The following SLC2A13 variants were observed in gnomAD, a reference collection of about 807,000 sequenced individuals.
SLC2A13 encodes solute carrier family 2 member 13.
SLC2A13 carries 32 observed loss-of-function variants against 64.4 expected under a neutral mutation model. The ratio of observed to expected loss-of-function variants is 0.50; its 90% CI spans 0.37 to 0.67. SLC2A13 has a LOEUF of 0.67. Ranked by LOEUF, SLC2A13 falls within the 30% of genes least tolerant of loss-of-function variation. The pLI is 0.00. For synonymous variants in SLC2A13, 338 were observed against 327.1 expected (o/e 1.03, Z -0.36); for missense variants, 743 against 829.2 (o/e 0.90, Z 1.28).
chr12:40,028,622 G>A (rs1947860820), intron 2 of SLC2A13, 113 bp from the exon 3 acceptor site: 2 of 975,870 alleles, frequency 2.0e-6, no homozygotes. Flanking sequence ...AAGTTAGCCA[G>A]AATTATTTGT....
Position 39,896,420 on chromosome 12 carries a change from A to ATATGTATACATATATGTATATG in SLC2A13, c.1035-24460_1035-24459insCATATACATATATGTATACATA, listed in dbSNP as rs1944890874. On this transcript the variant is annotated intron_variant, in intron 4 of 9. Coordinates refer to ENST00000280871, the MANE Select transcript of SLC2A13 (RefSeq NM_052885.4). ...TATATGTATACATATATGTATGTAT[A>ATATGTATACATATATGTATATG]TGTGTATATATGTATACATATATGT... Among the ~76,000 whole-genome samples, 16 of 120,348 alleles carry ATATGTATACATATATGTATATG rather than the reference A, an allele frequency of 1.3e-4. 1 individual carries two copies. The highest frequency in any genetic ancestry group is 6.0e-4 in the African/African-American group (16 of 26,674). 79.0% of individuals were successfully genotyped at this position (120,348 alleles called of 152,430 possible).
chr12:39,828,299 G>T (rs756032120), intron 7 of SLC2A13, among the ~76,000 whole-genome samples: 4 of 151,880 alleles, frequency 2.6e-5, no homozygotes, highest in Non-Finnish European at 5.9e-5. Flanking sequence ...CTATTGTAAG[G>T]ATATGCTGTG....
intron 3 of SLC2A13, among the ~76,000 whole-genome samples, chr12:39,994,767 C>T (rs965191785): frequency 6.6e-6 from 1 of 152,204 alleles, no homozygotes; most frequent in Admixed American, 6.5e-5. Context: ...CTGGAAATCG[C>T]TTCCTCATCT....
chr12:40,040,655 G>T (rs1948072189), intron 2 of SLC2A13, among the ~76,000 whole-genome samples: 1 of 152,220 alleles, frequency 6.6e-6, no homozygotes, highest in Admixed American at 6.5e-5. Context: ...GCCTCCCAAA[G>T]TGCTGGGATT....
chr12:40,049,145 T>TATA, intron 1 of SLC2A13, among the ~76,000 whole-genome samples: 1 of 152,188 alleles, frequency 6.6e-6, no homozygotes, highest in East Asian at 1.9e-4. Context: ...TGTTATAGTA[T>TATA]TCAGCCTTAC....
rs908001616 is a variant in SLC2A13 at position 39,826,864 on chromosome 12, T to TTTTTTTTTTTTTC, written c.1445+3238_1445+3239insGAAAAAAAAAAAA. Among the ~76,000 whole-genome samples, 17 of 143,598 alleles carry TTTTTTTTTTTTTC rather than the reference T, an allele frequency of 1.2e-4. 1 individual carries two copies. The highest frequency in any genetic ancestry group is 2.6e-4 in the Non-Finnish European group (17 of 65,828). 94.2% of individuals were successfully genotyped at this position (143,598 alleles called of 152,430 possible). A position where few individuals can be genotyped will look rare whatever the true frequency, so the allele number is the denominator to read the frequency against. On this transcript the variant is annotated intron_variant, in intron 7 of 9. Transcript: ENST00000280871. ...TTAAAGTCTCTTTCAATTTTTTTTT[T>TTTTTTTTTTTTTC]TTTTTTTTGCAATGCAAGGTTCTTT...
intron 4 of SLC2A13, among the ~76,000 whole-genome samples, chr12:39,943,423 C>T (rs1051168086): frequency 5.3e-5 from 8 of 152,230 alleles, no homozygotes; most frequent in African/African-American, 1.9e-4. Context: ...CTGACTGGGG[C>T]TGCTGCCTTT....
intron 7 of SLC2A13, among the ~76,000 whole-genome samples, chr12:39,812,339 TTTCTTTTCTTTTC>T (rs1446852928): frequency 7.0e-5 from 3 of 42,752 alleles, no homozygotes. Context: ...TAATTTCTTT[TTTCTTTTCTTTTC>T]TTTTCTTTTC....
In SLC2A13 at chr12:39,760,053, A is replaced by G. The variant is rs1326832691; in HGVS notation, c.1920T>C (p.Ser640=). ...ATTCCACATCAGAAGCATCATTGTC[A>G]GAAAGATGATAGTTACTTCCCTTTA... ...IRVKGSNYHL[S]DNDASDVE Residue 640 remains serine (S), a synonymous_variant, in exon 10 of 10, where the codon TCT becomes TCC. Transcript: ENST00000280871. 7.4e-6 allele frequency: 12 copies of G among 1,612,362 alleles called. No homozygotes were observed. Among genetic ancestry groups the G allele is most frequent in the Non-Finnish European group, 8.5e-6 (10 of 1,179,042 alleles).
intron 3 of SLC2A13, among the ~76,000 whole-genome samples, chr12:39,979,064 C>T (rs550611459): frequency 0.017 from 2,597 of 152,022 alleles, 24 homozygotes; most frequent in Middle Eastern, 0.031. Flanking sequence ...CAGCGGCACA[C>T]TGACACCTCA....
At chr12:39,996,592 C>T (rs1246059612) in intron 3 of SLC2A13, among the ~76,000 whole-genome samples, 1 of 152,170 alleles carries the variant, frequency 6.6e-6, no homozygotes, top group Non-Finnish European at 1.5e-5. Flanking sequence ...GGGCTGGGCC[C>T]CCCGCCCCAT....
chr12:39,913,318 C>A (rs1945461351), intron 4 of SLC2A13, among the ~76,000 whole-genome samples: 2 of 151,652 alleles, frequency 1.3e-5, no homozygotes, highest in Non-Finnish European at 2.9e-5. Context: ...GACCTTGTAA[C>A]TTAAAAACAA....
intron 1 of SLC2A13, among the ~76,000 whole-genome samples, chr12:40,085,933 G>A (rs549841872): frequency 6.6e-6 from 1 of 151,862 alleles, no homozygotes; most frequent in African/African-American, 2.4e-5. Context: ...AGAGTGCAGT[G>A]GCACAATCCC....
chr12:40,093,920 T>C (rs1404564591), intron 1 of SLC2A13, among the ~76,000 whole-genome samples: 5 of 152,174 alleles, frequency 3.3e-5, no homozygotes, highest in Admixed American at 3.3e-4. Flanking sequence ...GTCTGATTTA[T>C]ATTTTAAATG....
chr12:39,890,005 GTC>G (rs1249530921), intron 4 of SLC2A13, among the ~76,000 whole-genome samples: 1 of 152,058 alleles, frequency 6.6e-6, no homozygotes, highest in African/African-American at 2.4e-5. Context: ...GTAGTCTTAA[GTC>G]TATACTTGCC....
In SLC2A13 at chr12:39,757,494, A is replaced by G. The variant is rs1940000295; in HGVS notation, c.*2532T>C. ...TTAATATACTATAAATGTTCACCAA[A>G]TCTAAAAATAATACCCTAATTGTAT... is the stretch of plus-strand genomic sequence containing the variant. On this transcript the variant is annotated 3_prime_UTR_variant, in exon 10 of 10. Coordinates refer to ENST00000280871, the MANE Select transcript of SLC2A13 (RefSeq NM_052885.4). 6.6e-6 allele frequency: 1 copy of G among 151,750 alleles called. No individual in the cohort carries two copies. The highest frequency in any genetic ancestry group is 2.1e-4 in the South Asian group (1 of 4,822). The allele number at this position is 151,750 out of a possible 1,614,324, so 9.4% of individuals were successfully genotyped here.
intron 1 of SLC2A13, among the ~76,000 whole-genome samples, chr12:40,092,754 C>T (rs1342193547): frequency 6.6e-6 from 1 of 152,200 alleles, no homozygotes; most frequent in East Asian, 1.9e-4. Flanking sequence ...GAAAGACTCA[C>T]TAAAGTTTGA....
At chr12:40,042,521 T>C (rs933555955) in intron 2 of SLC2A13, among the ~76,000 whole-genome samples, 20 of 152,182 alleles carry the variant, frequency 1.3e-4, no homozygotes, top group African/African-American at 4.6e-4. Context: ...ACACATATAA[T>C]TAATGATTTA....
chr12:39,899,546 T>A (rs1372722039), intron 4 of SLC2A13, among the ~76,000 whole-genome samples: 2 of 152,184 alleles, frequency 1.3e-5, no homozygotes, highest in African/African-American at 4.8e-5. Context: ...TTGCTCTTGC[T>A]TTTCTAGTTC....
Sources: gnomAD v4.1 joint callset for allele counts (sites outside exome capture counted in the v4.1 genomes callset) on GRCh38, gnomAD v4.1.1 for gene constraint, MANE v1.5 for transcripts, NCBI Gene and HGNC (gene_info 2026-07-23, HGNC 2026-07-21) for gene names.